Variants in SPECC1 observed in about 807,000 individuals in gnomAD.
SPECC1 encodes the protein sperm antigen with calponin homology and coiled-coil domains 1.
In SPECC1, 62 loss-of-function variants were observed where a neutral mutation model predicts 104.1. The observed-to-expected ratio is 0.60, with a 90% CI of 0.49 to 0.74. The LOEUF is 0.74. SPECC1 is among the 30% of genes least tolerant of loss of function. SPECC1 has a pLI of 0.00. For synonymous variants in SPECC1, 513 were observed against 501.6 expected, an observed-to-expected ratio of 1.02 and a Z score of -0.30; for missense variants, 1,306 against 1,310.5, an observed-to-expected ratio of 1.00 and a Z score of 0.05.
At chr17:20,074,382 A>G (rs2046675732) in intron 1 of SPECC1, among the ~76,000 whole-genome samples, 1 of 152,208 alleles carries the variant, frequency 6.6e-6, no homozygotes, top group Non-Finnish European at 1.5e-5. Context: ...GTTATTTATT[A>G]TATGGTTACT....
intron 3 of SPECC1, among the ~76,000 whole-genome samples, chr17:20,186,117 C>T (rs2035257710): frequency 6.6e-6 from 1 of 152,198 alleles, no homozygotes; most frequent in Non-Finnish European, 1.5e-5. Flanking sequence ...GGATTGCAGG[C>T]ATGAGCCACT....
chr17:20,047,819 G>C (rs1215738086), intron 1 of SPECC1, among the ~76,000 whole-genome samples: 1 of 151,670 alleles, frequency 6.6e-6, no homozygotes, highest in Admixed American at 6.6e-5. Context: ...GGATGGTCTC[G>C]ATCTCCTGAC....
intron 1 of SPECC1, among the ~76,000 whole-genome samples, chr17:20,079,697 A>G (rs985759690): frequency 6.6e-6 from 1 of 152,206 alleles, no homozygotes; most frequent in African/African-American, 2.4e-5. Flanking sequence ...GCTAGGCCCT[A>G]GGGAGACAAG....
chr17:20,153,853 A>G (rs1032337453), intron 3 of SPECC1, among the ~76,000 whole-genome samples: 10 of 152,248 alleles, frequency 6.6e-5, no homozygotes, highest in African/African-American at 2.4e-4. Context: ...GAAGTCGACC[A>G]TCTTTTCTGG....
chr17:20,183,124 AAG>A (rs1331919607), intron 3 of SPECC1, among the ~76,000 whole-genome samples: 2 of 152,206 alleles, frequency 1.3e-5, no homozygotes, highest in African/African-American at 4.8e-5. Context: ...AGTGGCAAAA[AAG>A]AAAAACAAAG....
intron 3 of SPECC1, among the ~76,000 whole-genome samples, chr17:20,162,764 A>G (rs1299723219): frequency 6.6e-6 from 1 of 152,156 alleles, no homozygotes; most frequent in Admixed American, 6.5e-5. Flanking sequence ...GCAGTGGCTC[A>G]CGCCTGTAAT....
intron 12 of SPECC1, among the ~76,000 whole-genome samples, chr17:20,271,584 C>T (rs1404074407): frequency 6.6e-6 from 1 of 152,000 alleles, no homozygotes; most frequent in African/African-American, 2.4e-5. Context: ...ATGAGATATC[C>T]CCACACATCA....
intron 4 of SPECC1, among the ~76,000 whole-genome samples, chr17:20,207,483 A>G (rs1746920305): frequency 6.6e-6 from 1 of 152,130 alleles, no homozygotes; most frequent in Non-Finnish European, 1.5e-5. Flanking sequence ...TTTATCTCCC[A>G]TGTGCACCTT....
At chr17:20,233,107 G>T (rs1256291030) in intron 7 of SPECC1, among the ~76,000 whole-genome samples, 1 of 152,178 alleles carries the variant, frequency 6.6e-6, no homozygotes, top group African/African-American at 2.4e-5. Flanking sequence ...TTTATAAACA[G>T]CATTTTTTGC....
chr17:20,232,602 G>A (rs2151482009), intron 7 of SPECC1, among the ~76,000 whole-genome samples, 197 bp downstream of exon 7: 1 of 152,330 alleles, frequency 6.6e-6, no homozygotes. Context: ...AGCATAAGAG[G>A]CTGCTAAGCT....
intron 1 of SPECC1, among the ~76,000 whole-genome samples, chr17:20,016,906 G>C (rs1012835370): frequency 1.3e-5 from 2 of 152,240 alleles, no homozygotes; most frequent in African/African-American, 4.8e-5. Flanking sequence ...GTGGGGACTT[G>C]AGAACCTTTA....
chr17:20,260,229 G>C lies in SPECC1; in HGVS notation c.2875G>C (p.Glu959Gln). The change falls in exon 12 of 15, where the codon GAA becomes CAA. Residue 959 changes from glutamate to glutamine, a missense_variant. Physicochemically the swap from Glu to Gln is conservative, Grantham distance 29. Transcript: ENST00000395527. Reference sequence around the variant, plus strand: ...AGACCCTCTGGCAGCCTTGGCCCGGGAATACGGTGGTTCCAAGCGCAATGC... The same window carrying C: ...AGACCCTCTGGCAGCCTTGGCCCGGCAATACGGTGGTTCCAAGCGCAATGC... ...RKDPLAALAR[E>Q]YGGSKRNALL... 1 of 1,614,008 alleles carries C rather than the reference G, an allele frequency of 6.2e-7. No individual in the cohort carries two copies. The highest frequency in any genetic ancestry group is 8.5e-7 in the Non-Finnish European group (1 of 1,179,922).
chr17:20,097,815 C>T (rs1417063369), intron 2 of SPECC1, among the ~76,000 whole-genome samples: 2 of 152,152 alleles, frequency 1.3e-5, no homozygotes, highest in Admixed American at 6.5e-5. Flanking sequence ...TCAGTGCCTG[C>T]GGAATATGTG....
intron 3 of SPECC1, among the ~76,000 whole-genome samples, chr17:20,203,744 A>G (rs766908838): frequency 1.1e-4 from 16 of 152,252 alleles, no homozygotes; most frequent in Admixed American, 3.3e-4. Flanking sequence ...TGTTGCCAAC[A>G]TTATCAGTGC....
At chr17:20,286,574 G>C (rs1032877097) in intron 12 of SPECC1, among the ~76,000 whole-genome samples, 1 of 152,306 alleles carries the variant, frequency 6.6e-6, no homozygotes, top group Non-Finnish European at 1.5e-5. Context: ...CCTCCATCCA[G>C]GGGTAGGTCC....
At chr17:20,070,254 T>C (rs552396489) in intron 1 of SPECC1, among the ~76,000 whole-genome samples, 5 of 152,206 alleles carry the variant, frequency 3.3e-5, no homozygotes, top group Non-Finnish European at 7.4e-5. Context: ...GTGAGTGTTT[T>C]GAACTTGCCC....
intron 4 of SPECC1, among the ~76,000 whole-genome samples, chr17:20,224,033 C>T (rs1324394119): frequency 6.6e-6 from 1 of 152,208 alleles, no homozygotes; most frequent in Non-Finnish European, 1.5e-5. Context: ...AGCCTTTGGT[C>T]ACTGCAGCTG....
At chr17:20,211,137 T>C (rs1432651997) in intron 4 of SPECC1, among the ~76,000 whole-genome samples, 1 of 152,158 alleles carries the variant, frequency 6.6e-6, no homozygotes, top group Non-Finnish European at 1.5e-5. Context: ...CAAAACTCTT[T>C]GGGGCCCTGC....
intron 13 of SPECC1, among the ~76,000 whole-genome samples, chr17:20,300,368 C>G (rs532813392): frequency 8.5e-5 from 13 of 152,200 alleles, no homozygotes; most frequent in Non-Finnish European, 1.8e-4. Context: ...GTCTTAGTGT[C>G]TGCTTTTCTG....
Sources: allele counts gnomAD v4.1 joint callset (sites outside exome capture counted in the v4.1 genomes callset), GRCh38; gene constraint gnomAD v4.1.1; transcripts MANE v1.5; gene names NCBI Gene and HGNC (gene_info 2026-07-23, HGNC 2026-07-21).